Variants in SYT1 observed in about 807,000 individuals in gnomAD.
The protein encoded by SYT1 is synaptotagmin 1.
A neutral mutation model predicts 44.8 loss-of-function variants in SYT1; 8 were observed. That is an observed-to-expected ratio of 0.18 (90% CI 0.10 to 0.32). The LOEUF (loss-of-function observed/expected upper bound fraction) is 0.32. Among genes scored for constraint, SYT1 ranks in the 10% least tolerant of loss-of-function variants. The pLI is 1.00. For synonymous variants in SYT1, 154 were observed against 188.8 expected (o/e 0.82, Z 1.51); for missense variants, 286 against 509.3 (o/e 0.56, Z 4.22).
chr12:79,177,757 T>C (rs201477324), intron 3 of SYT1, among the ~76,000 whole-genome samples: 4,437 of 126,096 alleles, frequency 0.035, 158 homozygotes, highest in East Asian at 0.12. Flanking sequence ...TGTGAGATGA[T>C]ATCTCATAGT....
intron 3 of SYT1, among the ~76,000 whole-genome samples, chr12:79,160,644 A>T (rs1870891780): frequency 6.6e-6 from 1 of 152,094 alleles, no homozygotes; most frequent in Non-Finnish European, 1.5e-5. Flanking sequence ...TCAGTTCTAG[A>T]TATGCTATGT....
intron 9 of SYT1, among the ~76,000 whole-genome samples, chr12:79,429,379 G>A (rs1220693644): frequency 6.7e-6 from 1 of 148,428 alleles, no homozygotes; most frequent in African/African-American, 2.5e-5. Flanking sequence ...GCAAATTTTT[G>A]TATTTTTATT....
chr12:79,371,274 C>T (rs545507069), intron 9 of SYT1, among the ~76,000 whole-genome samples: 255 of 152,306 alleles, frequency 1.7e-3, no homozygotes, highest in Non-Finnish European at 1.3e-3. Flanking sequence ...CTCACAGCTT[C>T]CCCCACCTAG....
At chr12:78,890,904 A>T (rs1387545662) in intron 1 of SYT1, among the ~76,000 whole-genome samples, 1 of 151,934 alleles carries the variant, frequency 6.6e-6, no homozygotes, top group African/African-American at 2.4e-5. Flanking sequence ...TCTGAATTAC[A>T]ACTATGCAAT....
intron 3 of SYT1, among the ~76,000 whole-genome samples, chr12:79,216,496 C>G (rs1219414150): frequency 6.6e-6 from 1 of 152,118 alleles, no homozygotes; most frequent in Non-Finnish European, 1.5e-5. Context: ...AGAATACCTT[C>G]CTTACATTTG....
intron 8 of SYT1, among the ~76,000 whole-genome samples, chr12:79,307,838 C>A (rs1384949680): frequency 6.6e-6 from 1 of 152,182 alleles, no homozygotes; most frequent in Non-Finnish European, 1.5e-5. Flanking sequence ...CTGGCAAATG[C>A]GGCCTTCAGT....
At chr12:79,145,109 A>G (rs1183263773) in intron 3 of SYT1, among the ~76,000 whole-genome samples, 3 of 152,234 alleles carry the variant, frequency 2.0e-5, no homozygotes, top group Non-Finnish European at 1.5e-5. Context: ...TAGATAATGC[A>G]TATAAAAGTA....
rs568045102 is a variant in SYT1 at position 79,253,447 on chromosome 12, G to GT, written c.167-32339dup. Among the ~76,000 whole-genome samples, 646 of 150,430 alleles carry GT rather than the reference G, an allele frequency of 4.3e-3. 1 individual carries two copies. Among genetic ancestry groups the GT allele is most frequent in the African/African-American group, 0.015 (613 of 40,950 alleles). On this transcript the variant is annotated intron_variant, in intron 4 of 10. Transcript: ENST00000261205. The stretch of plus-strand genomic sequence containing the variant: ...AGTAAACGTAATCCATAAATGTGGT[G>GT]TATGTTCTAACTGTTCCACCAAAAG...
rs183966686 is a variant in SYT1 at position 79,175,359 on chromosome 12, T to C, written c.-17-42144T>C. Among the ~76,000 whole-genome samples the C allele has an allele frequency of 1.7e-3, 256 of 152,202 alleles. 3 individuals carry two copies. The highest frequency in any genetic ancestry group is 5.8e-3 in the African/African-American group (240 of 41,574). On this transcript the variant is annotated intron_variant, in intron 3 of 10. Coordinates refer to ENST00000261205, the MANE Select transcript of SYT1 (RefSeq NM_005639.3). ...GGATAATGTAATAAATACTTTTGAC[T>C]TCACTCGTATTTAGTCTCAGTTTGT...
At chr12:79,395,784 G>A (rs899551060) in intron 9 of SYT1, among the ~76,000 whole-genome samples, 1 of 149,016 alleles carries the variant, frequency 6.7e-6, no homozygotes, top group Non-Finnish European at 1.5e-5. Flanking sequence ...ATAAAAGGGG[G>A]AAAAGAATAT....
intron 3 of SYT1, among the ~76,000 whole-genome samples, chr12:79,107,394 C>A (rs1312137653): frequency 6.6e-6 from 1 of 151,630 alleles, no homozygotes; most frequent in African/African-American, 2.4e-5. Context: ...AAATGTAGTA[C>A]AATGATGCAA....
intron 3 of SYT1, among the ~76,000 whole-genome samples, chr12:79,113,678 T>C (rs571651806): frequency 5.2e-4 from 79 of 152,236 alleles, no homozygotes; most frequent in African/African-American, 1.9e-3. Context: ...GATTCCATGC[T>C]GACTTTAGGA....
chr12:79,033,383 C>T (rs2038272766), intron 2 of SYT1, among the ~76,000 whole-genome samples: 1 of 151,348 alleles, frequency 6.6e-6, no homozygotes, highest in Non-Finnish European at 1.5e-5. Flanking sequence ...TTGTTGAATG[C>T]TGTCTATTTC....
intron 4 of SYT1, 98 bp from the exon 5 acceptor site, chr12:79,285,689 T>C (rs187325630): frequency 2.2e-6 from 2 of 913,244 alleles, no homozygotes; most frequent in Non-Finnish European, 1.7e-6. Context: ...TGCTCAAAAA[T>C]GCAAATGAAA....
chr12:79,279,688 C>A (rs978362918), intron 4 of SYT1, among the ~76,000 whole-genome samples: 2 of 151,954 alleles, frequency 1.3e-5, no homozygotes, highest in Non-Finnish European at 2.9e-5. Flanking sequence ...TAAAGAGCAT[C>A]CACATTGGAA....
intron 3 of SYT1, among the ~76,000 whole-genome samples, chr12:79,153,866 C>T (rs1870429053): frequency 2.0e-5 from 3 of 152,038 alleles, no homozygotes; most frequent in Admixed American, 2.0e-4. Context: ...GAATGTTTAT[C>T]AGTTGGATAT....
intron 4 of SYT1, among the ~76,000 whole-genome samples, chr12:79,277,840 A>G (rs1878821512): frequency 6.6e-6 from 1 of 152,066 alleles, no homozygotes; most frequent in Admixed American, 6.6e-5. Flanking sequence ...TGCAAATGGA[A>G]GCCAAAAGCA....
In SYT1 at chr12:79,443,152, T is replaced by C. The variant is rs1439765125; in HGVS notation, c.929-921T>C. On this transcript the variant is annotated intron_variant, in intron 9 of 10. Coordinates refer to ENST00000261205, the MANE Select transcript of SYT1 (RefSeq NM_005639.3). ...TTAGGGAACCTGCTCAGGGGATCTT[T>C]ATGCTCCTTTTCCCATTACTTCAGT... is the stretch of plus-strand genomic sequence containing the variant. 2.6e-5 allele frequency among the ~76,000 whole-genome samples: 4 copies of C among 152,168 alleles called. No individual in the cohort carries two copies. The East Asian group carries it at 7.7e-4, about 29-fold the overall frequency.
At chr12:78,981,247 C>T (rs895179028) in intron 2 of SYT1, among the ~76,000 whole-genome samples, 24 of 151,360 alleles carry the variant, frequency 1.6e-4, no homozygotes, top group Non-Finnish European at 1.9e-4. Context: ...CCTGCCTCAG[C>T]CTCCTGAGTA....
Sources: allele counts gnomAD v4.1 joint callset (sites outside exome capture counted in the v4.1 genomes callset), GRCh38; gene constraint gnomAD v4.1.1; transcripts MANE v1.5; gene names NCBI Gene and HGNC (gene_info 2026-07-23, HGNC 2026-07-21).